STIM1: variants seen among roughly 807,000 people sequenced by gnomAD.
STIM1 encodes the protein stromal interaction molecule 1.
Under a neutral mutation model 74.7 loss-of-function variants are expected in STIM1, and 25 were observed. The observed-to-expected ratio is 0.33, with a 90% CI of 0.24 to 0.47. The LOEUF is 0.47. Among genes scored for constraint, STIM1 ranks in the 20% least tolerant of loss-of-function variants. The pLI is 1.00. For missense variants in STIM1, 728 were observed against 920.8 expected (o/e 0.79, Z 2.71); for synonymous variants, 328 against 348.8 (o/e 0.94, Z 0.66).
chr11:4,063,348 C>CAGAT (rs1445939164), intron 5 of STIM1, among the ~76,000 whole-genome samples: 1 of 152,132 alleles, frequency 6.6e-6, no homozygotes, highest in Non-Finnish European at 1.5e-5. Flanking sequence ...CTGCACTTGG[C>CAGAT]AGATAATTGC....
At chr11:3,866,605 T>G (rs2090867223) in intron 1 of STIM1, among the ~76,000 whole-genome samples, 1 of 152,026 alleles carries the variant, frequency 6.6e-6, no homozygotes, top group Non-Finnish European at 1.5e-5. Flanking sequence ...TTTTGTATAT[T>G]TAGTAGAGAC....
intron 3 of STIM1, among the ~76,000 whole-genome samples, chr11:4,036,125 C>A (rs766963910): frequency 3.0e-4 from 46 of 152,092 alleles, no homozygotes; most frequent in Admixed American, 1.6e-3. Flanking sequence ...TCCATTCTTG[C>A]GTGAATTTGC....
At position 4,035,342 on chromosome 11, in the gene STIM1, C is replaced by T. The variant is rs1371680043; in HGVS notation, c.385+11355C>T. On this transcript the variant is annotated intron_variant, in intron 3 of 12. Transcript: ENST00000526596. ...AATAAAAATACCTAGAGTGAAGACACAATTAATGGCAAATGTTCTCCTATT... is the reference window on the plus strand; with the variant it reads ...AATAAAAATACCTAGAGTGAAGACATAATTAATGGCAAATGTTCTCCTATT... Among the ~76,000 whole-genome samples the T allele has an allele frequency of 2.0e-5, 3 of 150,294 alleles. No homozygotes were observed. In the East Asian group the frequency reaches 5.8e-4, roughly 29 times the overall value.
At chr11:3,881,463 C>T (rs541468973) in intron 1 of STIM1, among the ~76,000 whole-genome samples, 18 of 148,770 alleles carry the variant, frequency 1.2e-4, no homozygotes, top group South Asian at 8.6e-4. Flanking sequence ...CTCCGCCTCC[C>T]GGGTTCATGC....
intron 1 of STIM1, among the ~76,000 whole-genome samples, chr11:3,915,461 C>T (rs974660471): frequency 4.6e-5 from 7 of 151,116 alleles, no homozygotes; most frequent in Non-Finnish European, 7.4e-5. Context: ...GCAGTGGTGC[C>T]ATCTCGGCTC....
chr11:4,071,688 G>T (rs548322971), intron 6 of STIM1, among the ~76,000 whole-genome samples: 1 of 152,292 alleles, frequency 6.6e-6, no homozygotes. Flanking sequence ...GAGGGGTAGG[G>T]ACAAGACTTC....
At chr11:4,012,771 A>G (rs1324690766) in intron 2 of STIM1, among the ~76,000 whole-genome samples, 2 of 152,100 alleles carry the variant, frequency 1.3e-5, no homozygotes, top group Non-Finnish European at 2.9e-5. Flanking sequence ...GTTGAATAGG[A>G]GTGGTGAGAG....
chr11:4,000,302 C>A lies in STIM1; in HGVS notation c.271-23571C>A, dbSNP rs1373869348. Among the ~76,000 whole-genome samples, 5 of 148,856 alleles carry A rather than the reference C, an allele frequency of 3.4e-5. 1 individual carries two copies. Reference sequence around the variant, plus strand: ...GCCTCCTCAAGTGGGTCCCTGACCCCGACCCCCGAGCAGCCTAACTGGGAG... The same window carrying A: ...GCCTCCTCAAGTGGGTCCCTGACCCAGACCCCCGAGCAGCCTAACTGGGAG... On this transcript the variant is annotated intron_variant, in intron 2 of 12. Coordinates refer to ENST00000526596, the MANE Select transcript of STIM1 (RefSeq NM_001382567.1).
intron 5 of STIM1, among the ~76,000 whole-genome samples, chr11:4,068,566 G>A (rs918267992): frequency 2.6e-5 from 4 of 152,150 alleles, no homozygotes; most frequent in African/African-American, 7.2e-5. Flanking sequence ...TGAAAGACAG[G>A]AGAGTGATGG....
intron 3 of STIM1, among the ~76,000 whole-genome samples, chr11:4,047,648 A>G (rs1590672180): frequency 1.3e-5 from 2 of 151,894 alleles, no homozygotes; most frequent in East Asian, 3.9e-4. Context: ...ACAAAGACAA[A>G]GACAAAGACA....
Position 4,083,480 on chromosome 11 carries a change from T to G in STIM1, c.1456T>G (p.Ser486Ala). 6.2e-7 allele frequency: 1 copy of G among 1,614,024 alleles called. No homozygotes were observed. The highest frequency in any genetic ancestry group is 8.5e-7 in the Non-Finnish European group (1 of 1,179,914). ...GGATGACATGGATGAGGAGATTGTG[T>G]CTCCCTTGTCCATGCAGTGTAGGTG... ...DVDDMDEEIV[S>A]PLSMQYAAWL... The change falls in exon 10 of 13, where the codon TCT becomes GCT. Residue 486 changes from serine (S) to alanine (A), a missense_variant. Coordinates refer to ENST00000526596, the MANE Select transcript of STIM1 (RefSeq NM_001382567.1).
At chr11:3,949,501 C>T (rs1389022186) in intron 1 of STIM1, among the ~76,000 whole-genome samples, 2 of 152,016 alleles carry the variant, frequency 1.3e-5, no homozygotes, top group Non-Finnish European at 2.9e-5. Flanking sequence ...GATTTGAATC[C>T]CTGAAAGGGG....
In STIM1 at chr11:3,861,530, G is replaced by C. The variant is rs542399330; in HGVS notation, c.139+5121G>C. ...TTACAGGCGTGAGCCACCGCGCCTG[G>C]CCTCTATTTTTTACCGTAATTTAGA... On this transcript the variant is annotated intron_variant, in intron 1 of 12. Coordinates refer to ENST00000526596, the MANE Select transcript of STIM1 (RefSeq NM_001382567.1). Among the ~76,000 whole-genome samples, 13 of 152,266 alleles carry C rather than the reference G, an allele frequency of 8.5e-5. No homozygotes were observed. The South Asian group carries it at 2.7e-3, about 32-fold the overall frequency.
chr11:3,908,691 A>C (rs1368470120), intron 1 of STIM1, among the ~76,000 whole-genome samples: 3 of 152,106 alleles, frequency 2.0e-5, no homozygotes, highest in African/African-American at 7.2e-5. Context: ...ATACATTGTC[A>C]AGCTCAAATA....
In STIM1 at chr11:3,967,753, A is replaced by C. The variant is rs920003447; in HGVS notation, c.270+71A>C. 1.4e-5 allele frequency: 23 copies of C among 1,603,520 alleles called. No individual in the cohort carries two copies. The African/African-American group carries it at 3.1e-4, about 21-fold the overall frequency. On this transcript the variant is annotated intron_variant, in intron 2 of 12. Transcript: ENST00000526596. ...ATTAGTCTTTGAAAGCTACTTAGAC[A>C]GCCTCTTCCCTGGGGAGAGATGTTC...
At chr11:3,941,109 A>G (rs2092999394) in intron 1 of STIM1, among the ~76,000 whole-genome samples, 2 of 152,168 alleles carry the variant, frequency 1.3e-5, no homozygotes, top group Admixed American at 6.5e-5. Flanking sequence ...TTAGAATAGT[A>G]CCTGACACAT....
chr11:3,865,197 C>A (rs1263421484), intron 1 of STIM1, among the ~76,000 whole-genome samples: 1 of 152,170 alleles, frequency 6.6e-6, no homozygotes, highest in Non-Finnish European at 1.5e-5. Context: ...GACTGAAATC[C>A]TAGTATGTGA....
intron 3 of STIM1, among the ~76,000 whole-genome samples, chr11:4,025,109 T>C (rs1483077197): frequency 6.6e-6 from 1 of 152,230 alleles, no homozygotes. Flanking sequence ...TGTAGGCCAA[T>C]GCTTTTCAAT....
chr11:4,056,782 A>G (rs1345169297), intron 4 of STIM1, among the ~76,000 whole-genome samples: 1 of 152,218 alleles, frequency 6.6e-6, no homozygotes, highest in African/African-American at 2.4e-5. Flanking sequence ...GTGCTTTCCT[A>G]CATATTATTT....
Sources: allele counts gnomAD v4.1 joint callset (sites outside exome capture counted in the v4.1 genomes callset), GRCh38; gene constraint gnomAD v4.1.1; transcripts MANE v1.5; gene names NCBI Gene and HGNC (gene_info 2026-07-23, HGNC 2026-07-21).